STT3B: variants seen among roughly 807,000 people sequenced by gnomAD.
STT3B encodes the protein STT3 oligosaccharyltransferase complex catalytic subunit B, also known as dolichyl-diphosphooligosaccharide--protein glycosyltransferase subunit STT3B.
STT3B carries 29 observed loss-of-function variants against 96.8 expected under a neutral mutation model. The observed-to-expected ratio is 0.30, with a 90% CI of 0.22 to 0.41. The LOEUF (loss-of-function observed/expected upper bound fraction) is 0.41, where lower values mean the gene tolerates loss of function less well. Ranked by LOEUF, STT3B falls within the 10% of genes least tolerant of loss-of-function variation. STT3B has a pLI of 1.00. For missense variants in STT3B, 640 were observed against 1,022.3 expected (o/e 0.63, Z 5.10); for synonymous variants, 367 against 360.0 (o/e 1.02, Z -0.22).
intron 9 of STT3B, among the ~76,000 whole-genome samples, chr3:31,620,747 C>CT (rs113002237): frequency 6.6e-6 from 1 of 152,274 alleles, no homozygotes; most frequent in Non-Finnish European, 1.5e-5. Flanking sequence ...CTGAGAAAAA[C>CT]TTTATCACGT....
chr3:31,542,141 A>AAG (rs1697290258), intron 1 of STT3B, among the ~76,000 whole-genome samples: 1 of 152,170 alleles, frequency 6.6e-6, no homozygotes, highest in African/African-American at 2.4e-5. Flanking sequence ...GGTGGGAGAG[A>AAG]AGAGAGAGAC....
In STT3B at chr3:31,623,513, A is replaced by G. The variant is rs545374055; in HGVS notation, c.1540-161A>G. On this transcript the variant is annotated intron_variant, in intron 10 of 15. Transcript: ENST00000295770. ...AAACCTTATTCACGTTTGACTTAGAAAACACTCCATCACCCACATAAGAAT... is the reference window on the plus strand; with the variant it reads ...AAACCTTATTCACGTTTGACTTAGAGAACACTCCATCACCCACATAAGAAT... 1.8e-3 allele frequency among the ~76,000 whole-genome samples: 273 copies of G among 152,288 alleles called. 1 individual carries two copies. Among genetic ancestry groups the G allele is most frequent in the African/African-American group, 6.4e-3 (265 of 41,570 alleles).
intron 1 of STT3B, among the ~76,000 whole-genome samples, chr3:31,549,549 A>G (rs1039162020): frequency 1.3e-4 from 20 of 151,994 alleles, no homozygotes; most frequent in African/African-American, 4.6e-4. Context: ...GCCATGGGAT[A>G]TTATTACTAT....
At chr3:31,548,470 T>G (rs184935095) in intron 1 of STT3B, among the ~76,000 whole-genome samples, 1 of 152,314 alleles carries the variant, frequency 6.6e-6, no homozygotes, top group Admixed American at 6.5e-5. Context: ...AACATTTGTA[T>G]TCTCAAAATA....
At chr3:31,537,603 G>A (rs1419656595) in intron 1 of STT3B, among the ~76,000 whole-genome samples, 1 of 152,134 alleles carries the variant, frequency 6.6e-6, no homozygotes, top group Non-Finnish European at 1.5e-5. Context: ...GAATGCCCTT[G>A]GGACTTTTCC....
chr3:31,600,411 G>A lies in STT3B; in HGVS notation c.829G>A (p.Val277Ile). The A allele has an allele frequency of 1.2e-6, 2 of 1,600,468 alleles. No homozygotes were observed. The highest frequency in any genetic ancestry group is 1.3e-5 in the African/African-American group (1 of 74,726). The change falls in exon 5 of 16, where the codon GTA becomes ATA. Residue 277 changes from valine (V) to isoleucine (I), a missense_variant. Transcript: ENST00000295770. The part of the protein sequence containing the change: ...VFIINLIPLH[V>I]FVLLLMQRYS... The stretch of plus-strand genomic sequence containing the variant: ...TATCATCAATCTTATTCCACTGCAT[G>A]TATTTGTGTTGTTACTGATGCAGAG...
At chr3:31,544,385 A>G (rs1697351234) in intron 1 of STT3B, among the ~76,000 whole-genome samples, 1 of 152,178 alleles carries the variant, frequency 6.6e-6, no homozygotes, top group Non-Finnish European at 1.5e-5. Flanking sequence ...ACTGGAGAGG[A>G]TCATTGAATA....
chr3:31,629,539 CTT>C, intron 14 of STT3B, 128 bp downstream of exon 14: 1 of 495,738 alleles, frequency 2.0e-6, no homozygotes, highest in Non-Finnish European at 3.5e-6. Context: ...TCTAAATAGT[CTT>C]TTTTTCATTA....
chr3:31,629,688 T>C (rs571002909), intron 14 of STT3B, among the ~76,000 whole-genome samples: 8 of 152,300 alleles, frequency 5.3e-5, no homozygotes, highest in Non-Finnish European at 1.2e-4. Context: ...ACTCATGCTT[T>C]TGGAAAGTAT....
chr3:31,634,132 A>T (rs1420299367), intron 15 of STT3B, among the ~76,000 whole-genome samples: 1 of 152,206 alleles, frequency 6.6e-6, no homozygotes, highest in Non-Finnish European at 1.5e-5. Context: ...TAATGTATTT[A>T]AAAATGTCAC....
chr3:31,583,099 TTGTTCTA>T (rs1698448694), intron 3 of STT3B, among the ~76,000 whole-genome samples: 1 of 152,206 alleles, frequency 6.6e-6, no homozygotes, highest in Non-Finnish European at 1.5e-5. Flanking sequence ...TCCTGTCTGG[TTGTTCTA>T]TCCATTATTG....
chr3:31,626,183 TTC>T, intron 13 of STT3B, 56 bp downstream of exon 13: 1 of 1,453,374 alleles, frequency 6.9e-7, no homozygotes. Flanking sequence ...GTCCTCGTAA[TTC>T]TCTCATCTTG....
chr3:31,582,900 A>G (rs1698442777), intron 3 of STT3B, among the ~76,000 whole-genome samples: 1 of 152,088 alleles, frequency 6.6e-6, no homozygotes, highest in Non-Finnish European at 1.5e-5. Flanking sequence ...GATACTTTGT[A>G]TGGTATCTGT....
At chr3:31,628,057 C>G (rs533130199) in intron 13 of STT3B, among the ~76,000 whole-genome samples, 1 of 151,194 alleles carries the variant, frequency 6.6e-6, no homozygotes, top group South Asian at 2.1e-4. Flanking sequence ...GTATTGTGTA[C>G]TTGTAAGTTG....
chr3:31,625,223 C>A (rs1699510309), intron 12 of STT3B, 138 bp downstream of exon 12: 2 of 659,580 alleles, frequency 3.0e-6, no homozygotes, highest in Non-Finnish European at 4.8e-6. Flanking sequence ...CACATATGTT[C>A]AATAAAGTGA....
At chr3:31,613,705 C>A (rs1699237125) in intron 5 of STT3B, among the ~76,000 whole-genome samples, 1 of 151,760 alleles carries the variant, frequency 6.6e-6, no homozygotes, top group Non-Finnish European at 1.5e-5. Flanking sequence ...CTGTGACTCT[C>A]CTTTATCAGG....
intron 1 of STT3B, among the ~76,000 whole-genome samples, chr3:31,544,267 A>G (rs1426153819): frequency 1.3e-5 from 2 of 152,230 alleles, no homozygotes; most frequent in Admixed American, 1.3e-4. Flanking sequence ...AAACTTTCCC[A>G]TAAGAGGTTA....
chr3:31,636,807 C>A lies in STT3B; in HGVS notation c.*743C>A, dbSNP rs1699761403. 6.6e-6 allele frequency: 1 copy of A among 151,994 alleles called. No individual in the cohort carries two copies. 9.4% of individuals were successfully genotyped at this position (151,994 alleles called of 1,614,324 possible). Reference sequence around the variant, plus strand: ...GGCTAAATTTATATTTTTTGGAAATCATGGCAACTACACAGGATGTTGCTT... The same window carrying A: ...GGCTAAATTTATATTTTTTGGAAATAATGGCAACTACACAGGATGTTGCTT... On this transcript the variant is annotated 3_prime_UTR_variant, in exon 16 of 16. Coordinates refer to ENST00000295770, the MANE Select transcript of STT3B (RefSeq NM_178862.3).
intron 7 of STT3B, 47 bp from the exon 8 acceptor site, chr3:31,617,893 A>G (rs754536410): frequency 1.6e-5 from 21 of 1,319,496 alleles, no homozygotes; most frequent in Non-Finnish European, 2.3e-5. Flanking sequence ...AAGATTTACA[A>G]AATAATAAAA....
Sources: allele counts gnomAD v4.1 joint callset (sites outside exome capture counted in the v4.1 genomes callset), GRCh38; gene constraint gnomAD v4.1.1; transcripts MANE v1.5; gene names NCBI Gene and HGNC (gene_info 2026-07-23, HGNC 2026-07-21).